Variants in CCNH observed in about 807,000 individuals in gnomAD.
The protein encoded by CCNH is cyclin H, also known as cyclin-H.
Under a neutral mutation model 41.9 loss-of-function variants are expected in CCNH, and 31 were observed. The observed-to-expected ratio is 0.74, with a 90% confidence interval of 0.56 to 1.00. CCNH has a LOEUF of 1.00. CCNH is among the 50% of genes least tolerant of loss of function. The probability of loss-of-function intolerance (pLI) is 0.00; values close to 1 mark genes in which losing one functional copy is unlikely to be tolerated. For missense variants in CCNH, 362 were observed against 388.4 expected, an observed-to-expected ratio of 0.93 and a Z score of 0.57; for synonymous variants, 138 against 136.1, an observed-to-expected ratio of 1.01 and a Z score of -0.10.
At chr5:87,362,501 C>T (rs762256135) in intron 9 of CCNH, 30 of 1,538,248 alleles carry the variant, frequency 2.0e-5, no homozygotes, top group Non-Finnish European at 2.7e-5. Context: ...ATTTTTACTT[C>T]ATTTCCATCA....
chr5:87,358,897 C>G (rs1262534016), intron 9 of CCNH, among the ~76,000 whole-genome samples: 1 of 152,132 alleles, frequency 6.6e-6, no homozygotes, highest in African/African-American at 2.4e-5. Flanking sequence ...TATCCACTAG[C>G]CTCACTCTTA....
chr5:87,383,798 C>T (rs1196898623), intron 9 of CCNH: 2 of 1,574,862 alleles, frequency 1.3e-6, no homozygotes, highest in Non-Finnish European at 1.7e-6. Flanking sequence ...GCTTTTGATA[C>T]ATTTTGAAAT....
chr5:87,331,791 GA>G (rs1265688033), intron 9 of CCNH, among the ~76,000 whole-genome samples: 3 of 152,000 alleles, frequency 2.0e-5, no homozygotes, highest in African/African-American at 7.2e-5. Flanking sequence ...TAAAATAAAG[GA>G]ATTGTATACT....
intron 9 of CCNH, chr5:87,349,248 A>G: frequency 6.2e-7 from 1 of 1,612,174 alleles, no homozygotes; most frequent in Non-Finnish European, 8.5e-7. Flanking sequence ...TGAGGCCCTC[A>G]GATAATACTC....
downstream of CCNH, among the ~76,000 whole-genome samples, chr5:87,315,502 A>G (rs1756258383): frequency 6.6e-6 from 1 of 152,254 alleles, no homozygotes; most frequent in South Asian, 2.1e-4. Context: ...TTTGGGGATT[A>G]AGTTTCTAAC....
In CCNH at chr5:87,411,354, T is replaced by C. The variant is rs1764223694; in HGVS notation, c.118-8A>G. On this transcript the variant is annotated splice_polypyrimidine_tract_variant and splice_region_variant and intron_variant, in intron 1 of 8. Coordinates refer to ENST00000256897, the MANE Select transcript of CCNH (RefSeq NM_001239.4). ...TGGATCATTCGGAAGAACCTTTAGA[T>C]CAACAATTACAACACAAGTTCAATG... 1.3e-6 allele frequency: 2 copies of C among 1,599,710 alleles called. No homozygotes were observed. The highest frequency in any genetic ancestry group is 1.8e-5 in the Admixed American group (1 of 56,788).
chr5:87,346,138 TG>T (rs1366290291), intron 9 of CCNH, among the ~76,000 whole-genome samples: 5 of 152,090 alleles, frequency 3.3e-5, no homozygotes, highest in African/African-American at 1.2e-4. Flanking sequence ...CAAATAGAGT[TG>T]AGAACACTAA....
intron 9 of CCNH, among the ~76,000 whole-genome samples, chr5:87,339,995 C>T (rs1758319426): frequency 1.3e-5 from 2 of 152,066 alleles, no homozygotes; most frequent in Non-Finnish European, 2.9e-5. Context: ...TTTATACTTT[C>T]ATGTATTAAC....
At chr5:87,409,135 T>TAA (rs796219832) in intron 3 of CCNH, 155 bp downstream of exon 3, 605 of 347,378 alleles carry the variant, frequency 1.7e-3, no homozygotes, top group Non-Finnish European at 1.9e-3. Context: ...AAGTTCTGAA[T>TAA]AAAAAAAAAA....
downstream of CCNH, chr5:87,393,481 AC>A: frequency 6.6e-6 from 1 of 152,328 alleles, no homozygotes; most frequent in East Asian, 1.9e-4. Flanking sequence ...TTAATAACTT[AC>A]CAAGGTCACA....
intron 4 of CCNH, among the ~76,000 whole-genome samples, chr5:87,406,201 A>G (rs949414942): frequency 2.6e-5 from 4 of 152,138 alleles, no homozygotes; most frequent in African/African-American, 4.8e-5. Flanking sequence ...CTGTTAAGAG[A>G]AAGAGCTATT....
In CCNH at chr5:87,349,128, TTGAA is replaced by T. The variant is rs1759074674; in HGVS notation, c.*91-30235_*91-30232del. 5 of 1,471,932 alleles carry T rather than the reference TTGAA, an allele frequency of 3.4e-6. No individual in the cohort carries two copies. In the Admixed American group the frequency reaches 9.1e-5, roughly 27 times the overall value. The allele number at this position is 1,471,932 out of a possible 1,614,324, so 91.2% of individuals were successfully genotyped here. ...TGAAAATTTACATATGTTTATGACT[TTGAA>T]TGCACTTTGTAATAATACTACTTAA... On this transcript the variant is annotated intron_variant and NMD_transcript_variant, in intron 9 of 9. Coordinates refer to the CCNH transcript ENST00000645953.
chr5:87,394,758 AG>A, intron 8 of CCNH: 1 of 1,343,708 alleles, frequency 7.4e-7, no homozygotes, highest in Non-Finnish European at 9.5e-7. Context: ...AAAGGGGGTA[AG>A]GGAAAAATCC....
At chr5:87,360,715 C>T (rs913660928) in intron 9 of CCNH, among the ~76,000 whole-genome samples, 3 of 152,096 alleles carry the variant, frequency 2.0e-5, no homozygotes, top group Non-Finnish European at 4.4e-5. Flanking sequence ...ATATGGTTCA[C>T]TCAGTGATTG....
At chr5:87,348,338 T>G (rs1472752630) in intron 9 of CCNH, among the ~76,000 whole-genome samples, 2 of 152,026 alleles carry the variant, frequency 1.3e-5, no homozygotes, top group Non-Finnish European at 2.9e-5. Context: ...TCATTGTGCT[T>G]TCCTAAAAAC....
downstream of CCNH, chr5:87,389,343 A>C (rs1481555761): frequency 3.7e-6 from 6 of 1,610,228 alleles, no homozygotes; most frequent in East Asian, 4.5e-5. Context: ...AAAAAAACAA[A>C]AAAAAAGAAG....
At chr5:87,375,541 C>T (rs1002096826), downstream of CCNH, among the ~76,000 whole-genome samples, 18 of 152,070 alleles carry the variant, frequency 1.2e-4, no homozygotes, top group Non-Finnish European at 2.2e-4. Context: ...GATTACATTA[C>T]CATATAAGTA....
chr5:87,376,874 A>AT, exon 1 of CCNH: 1 of 1,592,816 alleles, frequency 6.3e-7, no homozygotes, highest in Non-Finnish European at 8.6e-7. Context: ...TTAAAATGTC[A>AT]TTTTAGCTTA....
intron 9 of CCNH, among the ~76,000 whole-genome samples, chr5:87,365,380 C>T (rs908613977): frequency 5.3e-5 from 8 of 152,074 alleles, no homozygotes; most frequent in Non-Finnish European, 7.4e-5. Context: ...GTGGCTATAC[C>T]TCAGTACTTC....
Sources: allele counts gnomAD v4.1 joint callset (sites outside exome capture counted in the v4.1 genomes callset), GRCh38; gene constraint gnomAD v4.1.1; transcripts MANE v1.5; gene names NCBI Gene and HGNC (gene_info 2026-07-23, HGNC 2026-07-21).